HTR1E: variants seen among roughly 807,000 people sequenced by gnomAD.
HTR1E encodes the protein 5-HT-1E.
HTR1E carries 3 observed loss-of-function variants against 3.4 expected under a neutral mutation model. The ratio of observed to expected loss-of-function variants is 0.89; its 90% CI spans 0.41 to 2.31. The LOEUF (loss-of-function observed/expected upper bound fraction) is 2.31. Ranked by LOEUF, HTR1E falls within the 30% of genes most tolerant of loss-of-function variation. The pLI is 0.05. For missense variants in HTR1E, 392 were observed against 467.0 expected (o/e 0.84, Z 1.48); for synonymous variants, 170 against 182.8 (o/e 0.93, Z 0.56).
intron 1 of HTR1E, among the ~76,000 whole-genome samples, chr6:86,979,137 G>C (rs1025113171): frequency 6.6e-6 from 1 of 152,188 alleles, no homozygotes; most frequent in African/African-American, 2.4e-5. Context: ...AATTTGTACA[G>C]AGTTAATGTT....
At chr6:86,963,838 T>C (rs1767439541) in intron 1 of HTR1E, among the ~76,000 whole-genome samples, 1 of 152,166 alleles carries the variant, frequency 6.6e-6, no homozygotes, top group South Asian at 2.1e-4. Flanking sequence ...GGGACAAAAT[T>C]GCCTAACGAC....
intron 1 of HTR1E, among the ~76,000 whole-genome samples, chr6:87,009,727 G>A (rs1052142672): frequency 1.4e-5 from 2 of 145,832 alleles, no homozygotes; most frequent in Non-Finnish European, 3.0e-5. Context: ...AGGGCGGCTG[G>A]CCGGGCAGAG....
At chr6:86,946,762 T>C (rs1768621552) in intron 1 of HTR1E, among the ~76,000 whole-genome samples, 1 of 152,180 alleles carries the variant, frequency 6.6e-6, no homozygotes, top group Non-Finnish European at 1.5e-5. Context: ...GCTGAACACA[T>C]TAGATATGCT....
intron 1 of HTR1E, among the ~76,000 whole-genome samples, chr6:86,941,812 C>T (rs930571266): frequency 2.0e-5 from 3 of 151,198 alleles, no homozygotes; most frequent in Non-Finnish European, 2.9e-5. Context: ...CTAATGACCC[C>T]ATTAGGGAGG....
At chr6:86,953,206 A>C (rs2127818425) in intron 1 of HTR1E, among the ~76,000 whole-genome samples, 1 of 152,328 alleles carries the variant, frequency 6.6e-6, no homozygotes, top group South Asian at 2.1e-4. Context: ...AGTTAGCTTA[A>C]GGAAAAAATA....
At chr6:86,942,650 A>C (rs894270290) in intron 1 of HTR1E, among the ~76,000 whole-genome samples, 17 of 152,244 alleles carry the variant, frequency 1.1e-4, no homozygotes, top group Admixed American at 9.2e-4. Context: ...TAATTAGCAA[A>C]TACATCATTT....
chr6:86,939,518 T>A (rs575375158), intron 1 of HTR1E, among the ~76,000 whole-genome samples: 29 of 152,336 alleles, frequency 1.9e-4, no homozygotes, highest in Non-Finnish European at 4.0e-4. Context: ...AGACTTCTAG[T>A]AACAGAGCTA....
chr6:86,993,414 T>A (rs1767896410), intron 1 of HTR1E, among the ~76,000 whole-genome samples: 1 of 152,058 alleles, frequency 6.6e-6, no homozygotes, highest in African/African-American at 2.4e-5. Flanking sequence ...AGCAGCCAGG[T>A]GTGGAGTGGT....
In HTR1E at chr6:87,015,350, T is replaced by A; in HGVS notation, c.16T>A (p.Cys6Ser). The A allele has an allele frequency of 6.4e-7, 1 of 1,562,306 alleles. No individual in the cohort carries two copies. Among genetic ancestry groups the A allele is most frequent in the Non-Finnish European group, 8.7e-7 (1 of 1,150,126 alleles). The change falls in exon 2 of 2, where the codon TGT (cysteine) becomes AGT (serine). Residue 6 changes from cysteine (C) to serine (S), a missense_variant. By Grantham distance (112) the Cys-to-Ser change is moderately radical (BLOSUM62 -1). Around this residue, in one of 3 missense-constraint regions of HTR1E, gnomAD observed 189 missense variants for 258.0 expected, o/e 0.73. Coordinates refer to ENST00000305344, the MANE Select transcript of HTR1E (RefSeq NM_000865.3). MNITN[C>S]TTEASMAIRP... ...CAAGGGAAACATGAACATCACAAAC[T>A]GTACCACAGAGGCCAGCATGGCTAT...
intron 1 of HTR1E, among the ~76,000 whole-genome samples, chr6:86,958,687 G>A (rs1017352494): frequency 6.6e-6 from 1 of 152,178 alleles, no homozygotes; most frequent in East Asian, 1.9e-4. Flanking sequence ...ATAAAACTCT[G>A]AAGGAGCAGG....
intron 1 of HTR1E, among the ~76,000 whole-genome samples, chr6:86,956,070 C>T: frequency 6.6e-6 from 1 of 152,002 alleles, no homozygotes; most frequent in Non-Finnish European, 1.5e-5. Flanking sequence ...CAAGACTGAC[C>T]AAAGAGATTC....
At chr6:86,984,500 G>C (rs1767755816) in intron 1 of HTR1E, among the ~76,000 whole-genome samples, 1 of 152,168 alleles carries the variant, frequency 6.6e-6, no homozygotes, top group South Asian at 2.1e-4. Context: ...CAGCAAGAGA[G>C]AGCCACCAAC....
intron 1 of HTR1E, among the ~76,000 whole-genome samples, chr6:86,995,747 A>G (rs1435108189): frequency 6.6e-6 from 1 of 150,800 alleles, no homozygotes; most frequent in African/African-American, 2.4e-5. Context: ...AAAACTCTAA[A>G]TGTAACTAGG....
intron 1 of HTR1E, among the ~76,000 whole-genome samples, chr6:87,012,791 AAG>A (rs1768257199): frequency 6.6e-6 from 1 of 151,880 alleles, no homozygotes; most frequent in African/African-American, 2.4e-5. Context: ...ACTTTAGAGA[AAG>A]ATGTCATTAT....
At chr6:87,010,297 G>T (rs1269757675) in intron 1 of HTR1E, among the ~76,000 whole-genome samples, 2 of 106,752 alleles carry the variant, frequency 1.9e-5, no homozygotes, top group Non-Finnish European at 3.6e-5. Flanking sequence ...GGACGGGGCG[G>T]CTGGCCGGGC....
At position 87,016,495 on chromosome 6, in the gene HTR1E, T is replaced by G; in HGVS notation, c.*63T>G. 7.4e-7 allele frequency: 1 copy of G among 1,360,150 alleles called. No individual in the cohort carries two copies. The highest frequency in any genetic ancestry group is 1.0e-6 in the Non-Finnish European group (1 of 992,186). 84.3% of individuals were successfully genotyped at this position (1,360,150 alleles called of 1,614,324 possible). On this transcript the variant is annotated 3_prime_UTR_variant, in exon 2 of 2. Coordinates refer to ENST00000305344, the MANE Select transcript of HTR1E (RefSeq NM_000865.3). Reference sequence around the variant, plus strand: ...CTCATGAGTGGATGGGGGTAAGGGGTGCAACTTATTAATTCTTGAACATAC... The same window carrying G: ...CTCATGAGTGGATGGGGGTAAGGGGGGCAACTTATTAATTCTTGAACATAC...
intron 1 of HTR1E, among the ~76,000 whole-genome samples, chr6:86,985,554 C>G (rs1767773317): frequency 6.6e-6 from 1 of 152,070 alleles, no homozygotes; most frequent in Non-Finnish European, 1.5e-5. Flanking sequence ...AAGCAAGGCT[C>G]AGATAAGCAG....
intron 1 of HTR1E, among the ~76,000 whole-genome samples, chr6:86,975,967 T>G (rs1767633772): frequency 6.6e-6 from 1 of 150,792 alleles, no homozygotes; most frequent in African/African-American, 2.4e-5. Context: ...TCTCTCCCAT[T>G]CCTTTACCAT....
At chr6:87,010,454 C>T (rs1768204506) in intron 1 of HTR1E, among the ~76,000 whole-genome samples, 1 of 151,500 alleles carries the variant, frequency 6.6e-6, no homozygotes, top group Non-Finnish European at 1.5e-5. Flanking sequence ...CAGAGACGCT[C>T]CTCACCTCCC....
Sources: gnomAD v4.1 joint callset for allele counts (sites outside exome capture counted in the v4.1 genomes callset) on GRCh38, gnomAD v4.1.1 for gene constraint, gnomAD v4.1.1 regional missense constraint, MANE v1.5 for transcripts, NCBI Gene and HGNC (gene_info 2026-07-23, HGNC 2026-07-21) for gene names.